The following USP44 variants were observed in gnomAD, a reference collection of about 807,000 sequenced individuals.
The protein encoded by USP44 is ubiquitin carboxyl-terminal hydrolase 44.
USP44 carries 61 observed loss-of-function variants against 69.0 expected under a neutral mutation model. The ratio of observed to expected loss-of-function variants is 0.88; its 90% CI spans 0.72 to 1.09. The LOEUF (loss-of-function observed/expected upper bound fraction) is 1.09, where lower values mean the gene tolerates loss of function less well. Ranked by LOEUF, USP44 falls within the 50% of genes least tolerant of loss-of-function variation. USP44 has a pLI of 0.00. For synonymous variants in USP44, 297 were observed against 295.4 expected (o/e 1.01, Z -0.06); for missense variants, 753 against 849.9 (o/e 0.89, Z 1.42).
intron 1 of USP44, among the ~76,000 whole-genome samples, chr12:95,536,670 C>G (rs1000144613): frequency 5.3e-5 from 8 of 152,146 alleles, no homozygotes; most frequent in Admixed American, 1.3e-4. Flanking sequence ...AAGCTACAAT[C>G]AAGTCTTACC....
At chr12:95,547,427 T>C (rs1353402440) in intron 1 of USP44, among the ~76,000 whole-genome samples, 1 of 152,254 alleles carries the variant, frequency 6.6e-6, no homozygotes, top group African/African-American at 2.4e-5. Flanking sequence ...CCTGAGATGC[T>C]AAATTAAGGA....
chr12:95,529,431 T>C (rs543028083), intron 2 of USP44, among the ~76,000 whole-genome samples: 2 of 144,554 alleles, frequency 1.4e-5, no homozygotes, highest in African/African-American at 4.9e-5. Flanking sequence ...TCTTTCATCT[T>C]TTTTTTTTTT....
chr12:95,545,782 G>T (rs1159076790), intron 1 of USP44, among the ~76,000 whole-genome samples: 1 of 152,090 alleles, frequency 6.6e-6, no homozygotes, highest in Non-Finnish European at 1.5e-5. Flanking sequence ...CTCCCTCTTA[G>T]GTATGCTATT....
Position 95,546,891 on chromosome 12 carries a change from C to A in USP44, c.-71+4381G>T, listed in dbSNP as rs564841946. 2.0e-5 allele frequency: 3 copies of A among 152,286 alleles called. No individual in the cohort carries two copies. In the East Asian group the frequency reaches 5.8e-4, roughly 29 times the overall value. The allele number at this position is 152,286 out of a possible 1,614,324, so 9.4% of individuals were successfully genotyped here. On this transcript the variant is annotated intron_variant, in intron 1 of 5. Transcript: ENST00000258499. The stretch of plus-strand genomic sequence containing the variant: ...AACAACCCAATGAGCAGAAAATTCT[C>A]TTAGGCACCAAAACGCTGTAATAGA...
At chr12:95,540,196 C>T (rs1592732959) in intron 1 of USP44, among the ~76,000 whole-genome samples, 3 of 152,184 alleles carry the variant, frequency 2.0e-5, no homozygotes, top group Non-Finnish European at 4.4e-5. Context: ...CAGTCTCAGG[C>T]ACAACCCAAA....
chr12:95,545,721 T>A (rs1222814984), intron 1 of USP44, among the ~76,000 whole-genome samples: 1 of 152,210 alleles, frequency 6.6e-6, no homozygotes, highest in Non-Finnish European at 1.5e-5. Context: ...TATTTTTGAA[T>A]GAACAAATTA....
intron 1 of USP44, among the ~76,000 whole-genome samples, 166 bp from the exon 2 acceptor site, chr12:95,534,492 C>T (rs754519341): frequency 6.6e-6 from 1 of 152,216 alleles, no homozygotes; most frequent in Non-Finnish European, 1.5e-5. Flanking sequence ...CCTAACCTCA[C>T]ATCCACCTTG....
chr12:95,540,387 G>A (rs2077350080), intron 1 of USP44, among the ~76,000 whole-genome samples: 1 of 142,326 alleles, frequency 7.0e-6, no homozygotes. Context: ...TTTTTGCTCA[G>A]GCTGGAGTGC....
chr12:95,531,822 TA>T (rs1466693225), intron 2 of USP44, among the ~76,000 whole-genome samples: 1 of 152,034 alleles, frequency 6.6e-6, no homozygotes, highest in Non-Finnish European at 1.5e-5. Flanking sequence ...GCCTCAGTTA[TA>T]AAAAAAATTT....
chr12:95,546,905 C>G (rs1489815084), intron 1 of USP44: 3 of 152,140 alleles, frequency 2.0e-5, no homozygotes, highest in African/African-American at 7.2e-5. Flanking sequence ...GGCACCAAAA[C>G]GCTGTAATAG....
At chr12:95,525,606 C>T (rs1565808898) in intron 3 of USP44, among the ~76,000 whole-genome samples, 1 of 152,260 alleles carries the variant, frequency 6.6e-6, no homozygotes, top group Non-Finnish European at 1.5e-5. Context: ...TGGGGACCAC[C>T]TCAGCCCTGG....
chr12:95,536,629 C>G (rs954452223), intron 1 of USP44, among the ~76,000 whole-genome samples: 5 of 152,100 alleles, frequency 3.3e-5, no homozygotes, highest in African/African-American at 7.2e-5. Flanking sequence ...ATCTGACTTA[C>G]TTAGTGCCTC....
chr12:95,540,342 C>CTTT (rs61446138), intron 1 of USP44, among the ~76,000 whole-genome samples: 2,923 of 130,070 alleles, frequency 0.022, 137 homozygotes, highest in African/African-American at 0.078. Flanking sequence ...TTCCATCCAT[C>CTTT]TTTTTTTTTT....
rs1245583191 is a variant in USP44 at position 95,524,513 on chromosome 12, T to A, written c.1733+167A>T. 6.1e-5 allele frequency: 31 copies of A among 506,726 alleles called. No individual in the cohort carries two copies. The East Asian group carries it at 1.0e-3, about 16-fold the overall frequency. 31.4% of individuals were successfully genotyped at this position (506,726 alleles called of 1,614,324 possible). ...CTCGATCTCTAAATAAATAAACAAA[T>A]AAGCAAATGTAAGTCATTTACTAGC... On this transcript the variant is annotated intron_variant, in intron 4 of 5. Transcript: ENST00000258499.
chr12:95,528,119 G>A (rs371459765), intron 3 of USP44, among the ~76,000 whole-genome samples: 4 of 152,292 alleles, frequency 2.6e-5, no homozygotes, highest in African/African-American at 7.2e-5. Context: ...GATTACAGGC[G>A]TGAGCCACTG....
intron 1 of USP44, among the ~76,000 whole-genome samples, chr12:95,538,664 A>C (rs1189348841): frequency 2.6e-5 from 4 of 152,206 alleles, no homozygotes; most frequent in Non-Finnish European, 4.4e-5. Context: ...TCTACTTATG[A>C]AAGAAATCAG....
At chr12:95,519,216 CTT>C in intron 5 of USP44, among the ~76,000 whole-genome samples, 1 of 150,980 alleles carries the variant, frequency 6.6e-6, no homozygotes, top group Admixed American at 6.6e-5. Flanking sequence ...AATGTACAAA[CTT>C]TGTTATATGC....
At chr12:95,524,572 C>T (rs2076772915) in intron 4 of USP44, 108 bp downstream of exon 4, 1 of 751,862 alleles carries the variant, frequency 1.3e-6, no homozygotes, top group Non-Finnish European at 2.1e-6. Context: ...ATTCATTTGT[C>T]AGAAAGGTGA....
chr12:95,537,285 A>G (rs2077236184), intron 1 of USP44, among the ~76,000 whole-genome samples: 1 of 152,142 alleles, frequency 6.6e-6, no homozygotes, highest in South Asian at 2.1e-4. Context: ...AATTTAGTTA[A>G]ACATGTTTCT....
Sources: allele counts gnomAD v4.1 joint callset (sites outside exome capture counted in the v4.1 genomes callset), GRCh38; gene constraint gnomAD v4.1.1; transcripts MANE v1.5; gene names NCBI Gene and HGNC (gene_info 2026-07-23, HGNC 2026-07-21).